The following MCF2L2 variants were observed in gnomAD, a reference collection of about 807,000 sequenced individuals.
MCF2L2 encodes MCF.2 cell line derived transforming sequence-like 2, also known as probable guanine nucleotide exchange factor MCF2L2.
Under a neutral mutation model 150.2 loss-of-function variants are expected in MCF2L2, and 102 were observed. The observed-to-expected ratio is 0.68, with a 90% CI of 0.58 to 0.80. The LOEUF is 0.80. Ranked by LOEUF, MCF2L2 falls within the 30% of genes least tolerant of loss-of-function variation. The probability of loss-of-function intolerance (pLI) is 0.00; values close to 1 mark genes in which losing one functional copy is unlikely to be tolerated. For synonymous variants in MCF2L2, 465 were observed against 491.3 expected, an observed-to-expected ratio of 0.95 and a Z score of 0.71; for missense variants, 1,256 against 1,372.8, an observed-to-expected ratio of 0.91 and a Z score of 1.34.
intron 9 of MCF2L2, chr3:183,310,501 CAA>C (rs770149863): frequency 5.3e-5 from 13 of 246,032 alleles, no homozygotes; most frequent in South Asian, 1.8e-4. Context: ...GACTCCAACT[CAA>C]AAAAAAAATT....
intron 3 of MCF2L2, among the ~76,000 whole-genome samples, chr3:183,368,216 C>A (rs1712654283): frequency 1.3e-5 from 2 of 152,168 alleles, no homozygotes; most frequent in Non-Finnish European, 1.5e-5. Flanking sequence ...CTTACTGAAT[C>A]AGAAATCTTA....
intron 27 of MCF2L2, among the ~76,000 whole-genome samples, chr3:183,190,521 C>T (rs73060060): frequency 1.0e-3 from 153 of 152,350 alleles, no homozygotes; most frequent in African/African-American, 3.6e-3. Flanking sequence ...CAGGCACAGA[C>T]GTGGGCTTAG....
At chr3:183,317,442 G>A (rs2108515223) in intron 7 of MCF2L2, among the ~76,000 whole-genome samples, 1 of 152,258 alleles carries the variant, frequency 6.6e-6, no homozygotes, top group East Asian at 1.9e-4. Flanking sequence ...ATGAGTGAAA[G>A]AACCTGCCAA....
intron 14 of MCF2L2, among the ~76,000 whole-genome samples, chr3:183,284,400 G>A (rs1348472591): frequency 1.3e-4 from 20 of 151,968 alleles, no homozygotes; most frequent in Non-Finnish European, 4.4e-5. Flanking sequence ...GTCACCAAAC[G>A]TGTAAGTTAA....
intron 15 of MCF2L2, among the ~76,000 whole-genome samples, chr3:183,243,693 T>TATGTTTGGTGA (rs1724130120): frequency 2.0e-5 from 3 of 152,222 alleles, no homozygotes; most frequent in Admixed American, 6.6e-5. Context: ...ACTCCTTGCC[T>TATGTTTGGTGA]CTCATGAGTG....
intron 3 of MCF2L2, among the ~76,000 whole-genome samples, chr3:183,353,755 C>T (rs1260399712): frequency 6.6e-6 from 1 of 152,158 alleles, no homozygotes; most frequent in Non-Finnish European, 1.5e-5. Flanking sequence ...ACCTGAGATT[C>T]GGGCAGGGAC....
At chr3:183,192,944 A>G (rs1456005729) in intron 27 of MCF2L2, 55 bp downstream of exon 27, 23 of 1,313,518 alleles carry the variant, frequency 1.8e-5, no homozygotes, top group African/African-American at 5.8e-5. Context: ...GCATCTAAGC[A>G]GCTGGCATCA....
intron 8 of MCF2L2, 31 bp from the exon 9 acceptor site, chr3:183,311,060 G>C: frequency 7.1e-7 from 1 of 1,412,652 alleles, no homozygotes; most frequent in South Asian, 1.2e-5. Flanking sequence ...AGTGATGTTA[G>C]GTTAGCATTC....
intron 14 of MCF2L2, among the ~76,000 whole-genome samples, chr3:183,278,283 TTGTGTGTGTG>T (rs144622953): frequency 4.3e-5 from 6 of 138,474 alleles, no homozygotes; most frequent in African/African-American, 8.7e-5. Flanking sequence ...AATGAAAAAA[TTGTGTGTGTG>T]TGTGTGTGTG....
At chr3:183,249,453 G>A (rs1724414126) in intron 15 of MCF2L2, among the ~76,000 whole-genome samples, 1 of 152,228 alleles carries the variant, frequency 6.6e-6, no homozygotes, top group Admixed American at 6.5e-5. Flanking sequence ...AGTGTCAGAT[G>A]GCACATAAGA....
intron 1 of MCF2L2, among the ~76,000 whole-genome samples, chr3:183,424,557 T>C (rs1190861184): frequency 2.0e-5 from 3 of 152,200 alleles, no homozygotes; most frequent in Non-Finnish European, 2.9e-5. Context: ...CTAGGGTACA[T>C]AAGACTCTTC....
intron 25 of MCF2L2, among the ~76,000 whole-genome samples, chr3:183,204,041 A>G (rs1722387375): frequency 6.6e-6 from 1 of 152,204 alleles, no homozygotes; most frequent in Admixed American, 6.5e-5. Context: ...TTTTCAATCA[A>G]TGGTTCTAGG....
At chr3:183,332,207 T>C (rs551838265) in intron 5 of MCF2L2, among the ~76,000 whole-genome samples, 2 of 152,298 alleles carry the variant, frequency 1.3e-5, no homozygotes, top group South Asian at 4.1e-4. Context: ...GCTTGATAAC[T>C]TCAGACTCTG....
At chr3:183,272,408 G>C (rs1434728767) in intron 15 of MCF2L2, 1 of 1,000,086 alleles carries the variant, frequency 1.0e-6, no homozygotes, top group Non-Finnish European at 1.2e-6. Context: ...CATATAATAA[G>C]GTGATGTCGG....
intron 3 of MCF2L2, among the ~76,000 whole-genome samples, chr3:183,366,316 A>G (rs1712518505): frequency 1.3e-5 from 2 of 152,176 alleles, no homozygotes. Context: ...GGACAAATAC[A>G]GCCATTTTCA....
chr3:183,276,821 C>T, intron 15 of MCF2L2, 51 bp downstream of exon 15: 1 of 1,314,558 alleles, frequency 7.6e-7, no homozygotes, highest in Non-Finnish European at 1.1e-6. Context: ...ATCCTCGCCA[C>T]CCATGCCCCG....
At chr3:183,323,385 CAT>C in intron 5 of MCF2L2, 34 bp from the exon 6 acceptor site, 1 of 1,083,966 alleles carries the variant, frequency 9.2e-7, no homozygotes, top group South Asian at 1.3e-5. Flanking sequence ...ACATACTCCT[CAT>C]TGATCATTAA....
intron 3 of MCF2L2, chr3:183,374,270 A>C (rs1014423218): frequency 1.3e-5 from 2 of 152,312 alleles, no homozygotes; most frequent in Non-Finnish European, 2.9e-5. Flanking sequence ...CTCGTTTCTC[A>C]ATACTGTCTG....
intron 22 of MCF2L2, among the ~76,000 whole-genome samples, chr3:183,210,878 CAG>C (rs1167090878): frequency 1.3e-5 from 2 of 152,118 alleles, no homozygotes; most frequent in Admixed American, 6.6e-5. Flanking sequence ...GATGTGAATC[CAG>C]AGAGGTACCA....
Sources: gnomAD v4.1 joint callset for allele counts (sites outside exome capture counted in the v4.1 genomes callset) on GRCh38, gnomAD v4.1.1 for gene constraint, MANE v1.5 for transcripts, NCBI Gene and HGNC (gene_info 2026-07-23, HGNC 2026-07-21) for gene names.